TBX18: variants seen among roughly 807,000 people sequenced by gnomAD.
TBX18 encodes T-box transcription factor TBX18.
Under a neutral mutation model 55.0 loss-of-function variants are expected in TBX18, and 21 were observed. The observed-to-expected ratio is 0.38, with a 90% confidence interval of 0.27 to 0.55. The LOEUF (loss-of-function observed/expected upper bound fraction) is 0.55, where lower values mean the gene tolerates loss of function less well. Among genes scored for constraint, TBX18 ranks in the 20% least tolerant of loss-of-function variants. The pLI is 0.73. For missense variants in TBX18, 840 were observed against 799.6 expected (o/e 1.05, Z -0.61); for synonymous variants, 342 against 326.1 (o/e 1.05, Z -0.53).
At position 84,734,176 on chromosome 6, in the gene TBX18, G is replaced by A. The variant is rs985345335; in HGVS notation, c.*2509C>T. ...CTTGTAACCTTGCCTTTCTCCCCTG[G>A]ACCCAAAACAAAACATACCACCCCA... On this transcript the variant is annotated 3_prime_UTR_variant, in exon 8 of 8. Transcript: ENST00000369663. 1 of 152,002 alleles carries A rather than the reference G, an allele frequency of 6.6e-6. No homozygotes were observed. Among genetic ancestry groups the A allele is most frequent in the Non-Finnish European group, 1.5e-5 (1 of 68,008 alleles). The allele number at this position is 152,002 out of a possible 1,614,324, so 9.4% of individuals were successfully genotyped here. A position where few individuals can be genotyped will look rare whatever the true frequency, so the allele number is the denominator to read the frequency against.
chr6:84,759,388 GCAA>G (rs1476505518), intron 3 of TBX18, among the ~76,000 whole-genome samples: 2 of 152,080 alleles, frequency 1.3e-5, no homozygotes, highest in Non-Finnish European at 2.9e-5. Flanking sequence ...TCTGTCCCAT[GCAA>G]CAACAAAAAG....
chr6:84,751,428 C>A (rs1408199795), intron 4 of TBX18, among the ~76,000 whole-genome samples: 1 of 152,150 alleles, frequency 6.6e-6, no homozygotes, highest in African/African-American at 2.4e-5. Flanking sequence ...AAGCAACTAT[C>A]AATAGTAATC....
rs1291538816 is a variant in TBX18 at position 84,764,027 on chromosome 6, T to C, written c.155A>G (p.Asp52Gly). 3 of 1,555,768 alleles carry C rather than the reference T, an allele frequency of 1.9e-6. No homozygotes were observed. The highest frequency in any genetic ancestry group is 1.9e-5 in the Admixed American group (1 of 53,636). ...GAEEAAGAVDDGGCSRGGGAG... is the reference protein window; with the variant it reads ...GAEEAAGAVDGGGCSRGGGAG... Reference sequence around the variant, plus strand: ...GCCGCCGCCGCGGCTGCAGCCTCCGTCGTCCACGGCCCCCGCCGCCTCTTC... The same window carrying C: ...GCCGCCGCCGCGGCTGCAGCCTCCGCCGTCCACGGCCCCCGCCGCCTCTTC... Residue 52 changes from aspartate to glycine, a missense_variant, in exon 1 of 8, where the codon GAC becomes GGC. Asp to Gly is a moderately conservative substitution (Grantham distance 94). Coordinates refer to ENST00000369663, the MANE Select transcript of TBX18 (RefSeq NM_001080508.3).
rs902051033 is a variant in TBX18, at chr6:84,747,904, A to T, written c.939+16T>A. ...AAATGAAAAATCTACAAAGATTCCA[A>T]TTCTGAGAACAATACCTGCTGATTC... On this transcript the variant is annotated intron_variant, in intron 5 of 7. Coordinates refer to ENST00000369663, the MANE Select transcript of TBX18 (RefSeq NM_001080508.3). The T allele has an allele frequency of 1.3e-6, 2 of 1,596,566 alleles. No homozygotes were observed. The highest frequency in any genetic ancestry group is 1.7e-6 in the Non-Finnish European group (2 of 1,168,294).
In TBX18 at chr6:84,734,852, T is replaced by C. The variant is rs1385260466; in HGVS notation, c.*1833A>G. 1 of 152,190 alleles carries C rather than the reference T, an allele frequency of 6.6e-6. No homozygotes were observed. Among genetic ancestry groups the C allele is most frequent in the Admixed American group, 6.5e-5 (1 of 15,278 alleles). The allele number at this position is 152,190 out of a possible 1,614,324, so 9.4% of individuals were successfully genotyped here. A position where few individuals can be genotyped will look rare whatever the true frequency, so the allele number is the denominator to read the frequency against. On this transcript the variant is annotated 3_prime_UTR_variant, in exon 8 of 8. Transcript: ENST00000369663. ...AATCTTTGTCAAGCTATTAATGCCA[T>C]ACCCAAACATCTTACATAGATCCAC...
Position 84,764,496 on chromosome 6 carries a change from G to C in TBX18, c.-315C>G. 2.8e-6 allele frequency: 1 copy of C among 354,520 alleles called. No homozygotes were observed. Among genetic ancestry groups the C allele is most frequent in the Non-Finnish European group, 5.0e-6 (1 of 198,258 alleles). 22.0% of individuals were successfully genotyped at this position (354,520 alleles called of 1,614,324 possible). A position where few individuals can be genotyped will look rare whatever the true frequency, so the allele number is the denominator to read the frequency against. Reference sequence around the variant, plus strand: ...GAGGTCTGCCTCAACTGATGCGCCAGAGAGGACTAACATGGGTAAAAAACA... The same window carrying C: ...GAGGTCTGCCTCAACTGATGCGCCACAGAGGACTAACATGGGTAAAAAACA... On this transcript the variant is annotated 5_prime_UTR_variant, in exon 1 of 8. Coordinates refer to ENST00000369663, the MANE Select transcript of TBX18 (RefSeq NM_001080508.3).
intron 4 of TBX18, among the ~76,000 whole-genome samples, chr6:84,754,888 A>G (rs1767445923): frequency 6.6e-6 from 1 of 152,160 alleles, no homozygotes; most frequent in Non-Finnish European, 1.5e-5. Context: ...CTACCTTCAC[A>G]CTCAAGCTGC....
chr6:84,763,492 G>T (rs930881529), intron 1 of TBX18: 1 of 479,862 alleles, frequency 2.1e-6, no homozygotes, highest in Non-Finnish European at 4.1e-6. Flanking sequence ...TAGGGCATTC[G>T]TTCCGGTTTC....
intron 6 of TBX18, among the ~76,000 whole-genome samples, chr6:84,739,446 A>G (rs1309910740): frequency 6.6e-6 from 1 of 152,134 alleles, no homozygotes; most frequent in Non-Finnish European, 1.5e-5. Flanking sequence ...TCCCCTCTGT[A>G]TATCAAGTGA....
Position 84,736,910 on chromosome 6 carries a change from G to A in TBX18, c.1599C>T (p.Asn533=). 6.2e-7 allele frequency: 1 copy of A among 1,613,116 alleles called. No homozygotes were observed. The highest frequency in any genetic ancestry group is 8.5e-7 in the Non-Finnish European group (1 of 1,179,578). ...CAGCCAGTTTGGGGGATGTGGAGAA[G>A]TTATATCCATATAGTGCACAGGGGC... The part of the protein sequence containing the change: ...LHSPCALYGY[N]FSTSPKLAAS... Residue 533 remains asparagine (N), a synonymous_variant, in exon 8 of 8, where the codon AAC becomes AAT. Coordinates refer to ENST00000369663, the MANE Select transcript of TBX18 (RefSeq NM_001080508.3).
At chr6:84,744,392 A>C (rs773569282) in intron 5 of TBX18, 67 bp from the exon 6 acceptor site, 3 of 1,402,832 alleles carry the variant, frequency 2.1e-6, no homozygotes, top group Non-Finnish European at 3.0e-6. Context: ...CTTGGTTGCA[A>C]AACTACAATG....
intron 2 of TBX18, among the ~76,000 whole-genome samples, chr6:84,760,818 A>T (rs918793762): frequency 1.3e-5 from 2 of 152,218 alleles, no homozygotes; most frequent in Non-Finnish European, 2.9e-5. Context: ...GTGCCATGCT[A>T]TAACCAAACA....
In TBX18 at chr6:84,763,947, C is replaced by A. The variant is rs1459555945; in HGVS notation, c.235G>T (p.Ala79Ser). 3 of 1,579,282 alleles carry A rather than the reference C, an allele frequency of 1.9e-6. No individual in the cohort carries two copies. The highest frequency in any genetic ancestry group is 1.7e-6 in the Non-Finnish European group (2 of 1,168,698). ...GDEGAALPPP[A>S]GATSGPARSG... ...CGAGCCGGCCCAGACGTCGCCCCAG[C>A]CGGCGGCGGGAGCGCAGCGCCTTCG... Residue 79 changes from alanine to serine, a missense_variant, in exon 1 of 8, where the codon GCT becomes TCT. Coordinates refer to ENST00000369663, the MANE Select transcript of TBX18 (RefSeq NM_001080508.3).
intron 5 of TBX18, among the ~76,000 whole-genome samples, chr6:84,744,938 C>T (rs1033490292): frequency 3.9e-5 from 6 of 152,104 alleles, no homozygotes; most frequent in African/African-American, 1.4e-4. Flanking sequence ...CAGAGCACTA[C>T]AGTGAATGTC....
intron 2 of TBX18, among the ~76,000 whole-genome samples, chr6:84,762,332 G>C (rs1173412016): frequency 2.0e-5 from 3 of 152,216 alleles, no homozygotes; most frequent in Non-Finnish European, 2.9e-5. Context: ...CATTCAACCA[G>C]AGGGCAGTTG....
In TBX18 at chr6:84,734,406, T is replaced by C. The variant is rs1470620338; in HGVS notation, c.*2279A>G. On this transcript the variant is annotated 3_prime_UTR_variant, in exon 8 of 8. Coordinates refer to ENST00000369663, the MANE Select transcript of TBX18 (RefSeq NM_001080508.3). ...GTGCTTATTCTTGGATCAATATTTT[T>C]AGACATTAAAATGATTACCCTCCAA... The C allele has an allele frequency of 6.6e-6, 1 of 152,244 alleles. No homozygotes were observed. The highest frequency in any genetic ancestry group is 1.5e-5 in the Non-Finnish European group (1 of 68,046). The allele number at this position is 152,244 out of a possible 1,614,324, so 9.4% of individuals were successfully genotyped here. A position where few individuals can be genotyped will look rare whatever the true frequency, so the allele number is the denominator to read the frequency against.
chr6:84,752,965 G>T (rs990744973), intron 4 of TBX18, among the ~76,000 whole-genome samples: 1 of 152,130 alleles, frequency 6.6e-6, no homozygotes, highest in Non-Finnish European at 1.5e-5. Context: ...TTTTCCCTCA[G>T]ATGGAAAATT....
At chr6:84,756,914 G>C in intron 3 of TBX18, 45 bp from the exon 4 acceptor site, 2 of 1,576,314 alleles carry the variant, frequency 1.3e-6, no homozygotes, top group Non-Finnish European at 8.7e-7. Context: ...TTTTATCTTG[G>C]CATGTCCAAC....
chr6:84,753,315 A>G (rs550929166), intron 4 of TBX18, among the ~76,000 whole-genome samples: 146 of 152,302 alleles, frequency 9.6e-4, no homozygotes, highest in African/African-American at 3.4e-3. Context: ...AAGCACTGCA[A>G]AGATTTGATT....
Sources: allele counts gnomAD v4.1 joint callset (sites outside exome capture counted in the v4.1 genomes callset), GRCh38; gene constraint gnomAD v4.1.1; transcripts MANE v1.5; gene names NCBI Gene and HGNC (gene_info 2026-07-23, HGNC 2026-07-21).